Variants in COL22A1 observed in about 807,000 individuals in gnomAD.
COL22A1 encodes the protein collagen type XXII alpha 1 chain.
Under a neutral mutation model 248.9 loss-of-function variants are expected in COL22A1, and 221 were observed. The ratio of observed to expected loss-of-function variants is 0.89; its 90% CI spans 0.80 to 0.99. COL22A1 has a LOEUF of 0.99. Ranked by LOEUF, COL22A1 falls within the 50% of genes least tolerant of loss-of-function variation. The pLI, the probability that COL22A1 is intolerant of heterozygous loss-of-function variation, is 0.00. For synonymous variants in COL22A1, 891 were observed against 793.4 expected (o/e 1.12, Z -2.07); for missense variants, 2,240 against 2,179.0 (o/e 1.03, Z -0.56).
chr8:138,724,145 A>G (rs1289061695), intron 25 of COL22A1, among the ~76,000 whole-genome samples: 2 of 152,204 alleles, frequency 1.3e-5, no homozygotes, highest in Non-Finnish European at 2.9e-5. Context: ...CTGGGGAGAC[A>G]TTAATGTTTT....
At chr8:138,715,984 A>G (rs1455982788) in intron 29 of COL22A1, among the ~76,000 whole-genome samples, 4 of 152,072 alleles carry the variant, frequency 2.6e-5, no homozygotes, top group African/African-American at 2.4e-5. Context: ...CCTCAGCCCC[A>G]TCTGCCTCCT....
At chr8:138,889,564 G>T (rs7819073) in intron 1 of COL22A1, among the ~76,000 whole-genome samples, 2 of 152,106 alleles carry the variant, frequency 1.3e-5, no homozygotes, top group South Asian at 2.1e-4. Context: ...GGACTGTTGT[G>T]GGGTGGGGGG....
At chr8:138,651,025 T>G (rs887476326) in intron 45 of COL22A1, among the ~76,000 whole-genome samples, 3 of 152,180 alleles carry the variant, frequency 2.0e-5, no homozygotes, top group Non-Finnish European at 4.4e-5. Context: ...AAGCTGCAGG[T>G]GATTTTGTTT....
intron 10 of COL22A1, among the ~76,000 whole-genome samples, chr8:138,803,633 C>T (rs1817197848): frequency 1.3e-5 from 2 of 152,170 alleles, no homozygotes; most frequent in Admixed American, 6.5e-5. Flanking sequence ...GCCCTCATAA[C>T]TGTCCAGGAG....
chr8:138,892,346 G>C (rs1825125037), intron 1 of COL22A1, among the ~76,000 whole-genome samples: 1 of 152,204 alleles, frequency 6.6e-6, no homozygotes, highest in African/African-American at 2.4e-5. Context: ...TCAACCATTA[G>C]AAAGGGATGA....
intron 2 of COL22A1, among the ~76,000 whole-genome samples, 154 bp from the exon 3 acceptor site, chr8:138,878,470 T>A (rs1384830268): frequency 6.6e-6 from 1 of 152,182 alleles, no homozygotes. Flanking sequence ...CTGAAAGGCC[T>A]GAGCCTCAGT....
At chr8:138,614,097 G>A (rs1819121682) in intron 55 of COL22A1, among the ~76,000 whole-genome samples, 177 bp from the exon 56 acceptor site, 2 of 152,158 alleles carry the variant, frequency 1.3e-5, no homozygotes, top group Non-Finnish European at 1.5e-5. Context: ...CCCTTCCTGT[G>A]GGTGAGTAAA....
chr8:138,668,585 C>T (rs918716186), intron 41 of COL22A1, among the ~76,000 whole-genome samples: 1 of 152,198 alleles, frequency 6.6e-6, no homozygotes, highest in Non-Finnish European at 1.5e-5. Flanking sequence ...GTTCTAAAAA[C>T]CAGCTTCCCT....
At chr8:138,674,327 CCA>C (rs1825316648) in intron 41 of COL22A1, among the ~76,000 whole-genome samples, 1 of 152,070 alleles carries the variant, frequency 6.6e-6, no homozygotes, top group Admixed American at 6.5e-5. Context: ...TGACATGTAC[CCA>C]CCCCCACGCT....
chr8:138,730,866 C>A (rs960740965), intron 23 of COL22A1, among the ~76,000 whole-genome samples: 7 of 151,574 alleles, frequency 4.6e-5, no homozygotes, highest in African/African-American at 1.7e-4. Context: ...GATGGAGCTG[C>A]TGAGCCATGG....
chr8:138,592,119 G>A (rs998788404), intron 63 of COL22A1, among the ~76,000 whole-genome samples: 14 of 152,138 alleles, frequency 9.2e-5, no homozygotes, highest in Non-Finnish European at 1.6e-4. Context: ...ATCAAATAGG[G>A]CAAGAAGAAC....
intron 17 of COL22A1, among the ~76,000 whole-genome samples, chr8:138,762,073 G>A (rs997822886): frequency 1.8e-4 from 28 of 152,166 alleles, no homozygotes; most frequent in African/African-American, 5.8e-4. Context: ...GAGCACTGGG[G>A]CTGTCTTGAA....
intron 3 of COL22A1, among the ~76,000 whole-genome samples, chr8:138,864,938 C>A (rs1443938313): frequency 2.0e-5 from 3 of 152,230 alleles, no homozygotes; most frequent in African/African-American, 7.2e-5. Context: ...AACTCACCTG[C>A]AGGGGGTTGT....
chr8:138,613,007 G>T (rs1819002084), intron 56 of COL22A1, among the ~76,000 whole-genome samples: 2 of 150,910 alleles, frequency 1.3e-5, no homozygotes, highest in Non-Finnish European at 2.9e-5. Context: ...CCAATACTTT[G>T]GGAGGGCGAG....
At chr8:138,666,207 G>T (rs1824490483) in intron 41 of COL22A1, among the ~76,000 whole-genome samples, 1 of 152,128 alleles carries the variant, frequency 6.6e-6, no homozygotes, top group African/African-American at 2.4e-5. Context: ...TCATTTGTCA[G>T]AATTCTATCT....
intron 40 of COL22A1, among the ~76,000 whole-genome samples, chr8:138,677,072 A>G (rs1825620244): frequency 6.6e-6 from 1 of 152,206 alleles, no homozygotes; most frequent in Non-Finnish European, 1.5e-5. Context: ...TTTGCCAAGT[A>G]CCTACATTTT....
intron 7 of COL22A1, among the ~76,000 whole-genome samples, chr8:138,816,459 T>C (rs1818696925): frequency 6.6e-6 from 1 of 152,228 alleles, no homozygotes; most frequent in South Asian, 2.1e-4. Context: ...TGGGTCTGCT[T>C]GGCTCCCTGG....
chr8:138,717,138 T>A (rs1829502449), intron 27 of COL22A1, among the ~76,000 whole-genome samples: 1 of 152,104 alleles, frequency 6.6e-6, no homozygotes, highest in South Asian at 2.1e-4. Context: ...ATTTATTTTT[T>A]AATTTTTTTT....
Position 138,902,737 on chromosome 8 carries a change from T to TACACACACACACAC in COL22A1, c.-73+10881_-73+10882insGTGTGTGTGTGTGT, listed in dbSNP as rs777413704. Among the ~76,000 whole-genome samples the TACACACACACACAC allele has an allele frequency of 4.5e-4, 48 of 107,052 alleles. 1 individual carries two copies. Among genetic ancestry groups the TACACACACACACAC allele is most frequent in the East Asian group, 1.9e-3 (7 of 3,624 alleles). 70.2% of individuals were successfully genotyped at this position (107,052 alleles called of 152,430 possible). On this transcript the variant is annotated intron_variant, in intron 1 of 64. Coordinates refer to ENST00000303045, the MANE Select transcript of COL22A1 (RefSeq NM_152888.3). ...AAAAAAATTTATAAATATATATATA[T>TACACACACACACAC]ATACACACACACACACACACACACA...
Sources: gnomAD v4.1 joint callset for allele counts (sites outside exome capture counted in the v4.1 genomes callset) on GRCh38, gnomAD v4.1.1 for gene constraint, MANE v1.5 for transcripts, NCBI Gene and HGNC (gene_info 2026-07-23, HGNC 2026-07-21) for gene names.